Variants in ABL1 observed in about 807,000 individuals in gnomAD.
ABL1 encodes tyrosine-protein kinase ABL1.
In ABL1, 11 loss-of-function variants were observed where a neutral mutation model predicts 94.7. The ratio of observed to expected loss-of-function variants is 0.12; its 90% confidence interval spans 0.07 to 0.19. The LOEUF (loss-of-function observed/expected upper bound fraction) is 0.19. ABL1 is among the 10% of genes least tolerant of loss of function. ABL1 has a pLI of 1.00. For missense variants in ABL1, 1,082 were observed against 1,489.4 expected (o/e 0.73, Z 4.50); for synonymous variants, 656 against 622.4 (o/e 1.05, Z -0.80).
At position 130,835,421 on chromosome 9, in the gene ABL1, G is replaced by A. The variant is rs1248397474; in HGVS notation, c.-26G>A. 1 of 1,347,232 alleles carries A rather than the reference G, an allele frequency of 7.4e-7. No homozygotes were observed. Among genetic ancestry groups the A allele is most frequent in the Non-Finnish European group, 9.6e-7 (1 of 1,043,882 alleles). 83.5% of individuals were successfully genotyped at this position (1,347,232 alleles called of 1,614,324 possible). ...CGGACCGAGCTGGGAGAGGGGTTCC[G>A]GCCCCCGACGTGCTGGCGCGGGAAA... On this transcript the variant is annotated 5_prime_UTR_variant, in exon 1 of 11. Coordinates refer to ENST00000318560, the MANE Select transcript of ABL1 (RefSeq NM_005157.6). This position sits in a 1 kb window ranked among gnomAD's most constrained non-coding sequence, Gnocchi z 4.6.
chr9:130,881,228 G>T (rs926125283), intron 10 of ABL1, among the ~76,000 whole-genome samples: 1 of 152,128 alleles, frequency 6.6e-6, no homozygotes, highest in Non-Finnish European at 1.5e-5. Context: ...CATTTATGTA[G>T]TGTGCCTACT....
At chr9:130,754,507 CA>C (rs34396002) in intron 1 of ABL1, among the ~76,000 whole-genome samples, 19,971 of 78,594 alleles carry the variant, frequency 0.25, 956 homozygotes, top group Middle Eastern at 0.38. Flanking sequence ...GACTCCGTCT[CA>C]AAAAAAAAAA....
intron 1 of ABL1, among the ~76,000 whole-genome samples, chr9:130,757,775 T>C (rs1364410350): frequency 6.6e-6 from 1 of 152,026 alleles, no homozygotes; most frequent in African/African-American, 2.4e-5. Context: ...TCTCCTGACC[T>C]TGTGATTTAC....
rs918905532 is a variant in ABL1 at position 130,814,599 on chromosome 9, C to T, written c.137-39465C>T. Among the ~76,000 whole-genome samples the T allele has an allele frequency of 2.0e-5, 3 of 152,232 alleles. No individual in the cohort carries two copies. Among genetic ancestry groups the T allele is most frequent in the African/African-American group, 4.8e-5 (2 of 41,464 alleles). On this transcript the variant is annotated intron_variant, in intron 1 of 10. Coordinates refer to the ABL1 transcript ENST00000372348. This position sits in a 1 kb window ranked among gnomAD's most constrained non-coding sequence, Gnocchi z 4.4. ...GTTCACTCAAGAAGTAACCATCTGC[C>T]GGGCGCAGTGGCTTACGCCTGTAAT... is the stretch of plus-strand genomic sequence containing the variant.
rs2133024234 is a variant in ABL1, at chr9:130,880,544, A to T, written c.1558A>T (p.Ser520Cys). 3 of 1,613,946 alleles carry T rather than the reference A, an allele frequency of 1.9e-6. No individual in the cohort carries two copies. Among genetic ancestry groups the T allele is most frequent in the Non-Finnish European group, 2.5e-6 (3 of 1,179,910 alleles). Reference sequence around the variant, plus strand: ...GAAACAAGGCGTCCGTGGGGCTGTGAGTACCTTGCTGCAGGCCCCAGAGCT... The same window carrying T: ...GAAACAAGGCGTCCGTGGGGCTGTGTGTACCTTGCTGCAGGCCCCAGAGCT... ...LGKQGVRGAV[S>C]TLLQAPELPT... Residue 520 changes from serine to cysteine, a missense_variant, in exon 10 of 11, where the codon AGT (serine) becomes TGT (cysteine). Transcript: ENST00000318560. The surrounding 1 kb of genome is among the most constrained non-coding windows in gnomAD (Gnocchi z 4.4).
At chr9:130,727,470 A>C (rs761340471) in intron 1 of ABL1, among the ~76,000 whole-genome samples, 1 of 152,064 alleles carries the variant, frequency 6.6e-6, no homozygotes, top group Non-Finnish European at 1.5e-5. Context: ...TACTCTTAAA[A>C]GCATTTATTC....
intron 1 of ABL1, among the ~76,000 whole-genome samples, chr9:130,803,382 C>G (rs954724728): frequency 6.6e-6 from 1 of 152,150 alleles, no homozygotes; most frequent in African/African-American, 2.4e-5. Context: ...CTTTTCTGAG[C>G]CACCCAGCCA....
intron 1 of ABL1, among the ~76,000 whole-genome samples, chr9:130,837,549 CA>C (rs35018465): frequency 0.17 from 23,555 of 137,676 alleles, 1,947 homozygotes; most frequent in African/African-American, 0.23. Flanking sequence ...TCTAAAGTCT[CA>C]AAAAAAAAAA....
At position 130,885,659 on chromosome 9, in the gene ABL1, A is replaced by C; in HGVS notation, c.3369A>C (p.Glu1123Asp). The part of the protein sequence containing the change: ...DFSKLLSSVK[E>D]ISDIVQR ...GCAAGCTCCTCAGTTCGGTGAAGGA[A>C]ATCAGTGACATAGTGCAGAGGTAGC... Residue 1123 changes from glutamate to aspartate, a missense_variant, in exon 11 of 11, where the codon GAA becomes GAC. Glu to Asp is a conservative substitution (Grantham distance 45, BLOSUM62 2). Around this residue, in one of 7 missense-constraint regions of ABL1, gnomAD observed 780 missense variants for 835.8 expected, o/e 0.93. Coordinates refer to ENST00000318560, the MANE Select transcript of ABL1 (RefSeq NM_005157.6). 2.5e-6 allele frequency: 4 copies of C among 1,612,708 alleles called. No individual in the cohort carries two copies. The highest frequency in any genetic ancestry group is 3.4e-6 in the Non-Finnish European group (4 of 1,179,764).
At chr9:130,785,100 C>T (rs1402373660) in intron 1 of ABL1, among the ~76,000 whole-genome samples, 1 of 152,230 alleles carries the variant, frequency 6.6e-6, no homozygotes, top group Non-Finnish European at 1.5e-5. Flanking sequence ...GAACTGGACT[C>T]TGTCAACAGT....
At chr9:130,799,628 A>G (rs758008174) in intron 1 of ABL1, among the ~76,000 whole-genome samples, 8 of 152,234 alleles carry the variant, frequency 5.3e-5, no homozygotes, top group Non-Finnish European at 1.0e-4. Flanking sequence ...AATATTGCAT[A>G]GAAAGTGCTT....
chr9:130,862,028 T>C lies in ABL1; in HGVS notation c.550-735T>C, dbSNP rs529935612. ...TAGCTCTCACACGGGGACCGAATGC[T>C]CTTGTGTCGTAAATCCTTCCTTTTG... is the stretch of plus-strand genomic sequence containing the variant. On this transcript the variant is annotated intron_variant, in intron 3 of 10. Transcript: ENST00000318560. This position sits in a 1 kb window ranked among gnomAD's most constrained non-coding sequence, Gnocchi z 5.5. 6.6e-6 allele frequency among the ~76,000 whole-genome samples: 1 copy of C among 152,358 alleles called. No individual in the cohort carries two copies. The highest frequency in any genetic ancestry group is 2.4e-5 in the African/African-American group (1 of 41,580).
intron 1 of ABL1, among the ~76,000 whole-genome samples, chr9:130,735,980 G>C (rs1276079040): frequency 2.9e-5 from 3 of 104,420 alleles, no homozygotes; most frequent in African/African-American, 1.8e-4. Flanking sequence ...TTTTAAGACA[G>C]GGTCTGGCTC....
intron 1 of ABL1, chr9:130,714,508 G>C (rs1225586065): frequency 6.2e-7 from 1 of 1,612,596 alleles, no homozygotes; most frequent in East Asian, 2.2e-5. Flanking sequence ...ATTCATCTTA[G>C]GCCTTCAAGG....
chr9:130,761,872 G>A (rs756421979), intron 1 of ABL1, among the ~76,000 whole-genome samples: 20 of 152,174 alleles, frequency 1.3e-4, no homozygotes, highest in East Asian at 3.9e-4. Flanking sequence ...TCTGGGCTCA[G>A]TGGCTCACAC....
intron 1 of ABL1, among the ~76,000 whole-genome samples, chr9:130,791,453 G>A (rs1829907695): frequency 6.6e-6 from 1 of 152,206 alleles, no homozygotes; most frequent in Non-Finnish European, 1.5e-5. Flanking sequence ...GTGTGTGAGG[G>A]TGTTGCCAGA....
intron 3 of ABL1, among the ~76,000 whole-genome samples, chr9:130,860,933 G>A (rs745607686): frequency 1.9e-4 from 29 of 152,184 alleles, no homozygotes; most frequent in Non-Finnish European, 1.5e-5. Context: ...AAGAGAGTGC[G>A]TGGACGTCAC....
chr9:130,846,106 T>TGTGTGC (rs1234438159), intron 1 of ABL1, among the ~76,000 whole-genome samples: 1 of 143,760 alleles, frequency 7.0e-6, no homozygotes, highest in Non-Finnish European at 1.6e-5. Flanking sequence ...TGTGTGTGTG[T>TGTGTGC]GTGCTTGTGT....
intron 1 of ABL1, among the ~76,000 whole-genome samples, chr9:130,825,753 T>C (rs954113957): frequency 6.6e-6 from 1 of 152,360 alleles, no homozygotes; most frequent in East Asian, 1.9e-4. Flanking sequence ...TCTTTAAGTT[T>C]AATTCAAGCA....
Sources: gnomAD v4.1 joint callset for allele counts (sites outside exome capture counted in the v4.1 genomes callset) on GRCh38, gnomAD v4.1.1 for gene constraint, gnomAD v4.1.1 regional missense constraint, Gnocchi (gnomAD v3.1) non-coding constraint, MANE v1.5 for transcripts, NCBI Gene and HGNC (gene_info 2026-07-23, HGNC 2026-07-21) for gene names.